The following LINGO2 variants were observed in gnomAD, a reference collection of about 807,000 sequenced individuals.
The protein encoded by LINGO2 is leucine rich repeat and Ig domain containing 2.
A neutral mutation model predicts 30.6 loss-of-function variants in LINGO2; 14 were observed. That is an observed-to-expected ratio of 0.46 (90% CI 0.30 to 0.72). LINGO2 has a LOEUF of 0.72. Among genes scored for constraint, LINGO2 ranks in the 30% least tolerant of loss-of-function variants. The probability of loss-of-function intolerance (pLI) is 0.07; values close to 1 mark genes in which losing one functional copy is unlikely to be tolerated. For missense variants in LINGO2, 729 were observed against 751.7 expected, an observed-to-expected ratio of 0.97 and a Z score of 0.35; for synonymous variants, 317 against 288.5, an observed-to-expected ratio of 1.10 and a Z score of -1.00.
chr9:28,072,208 GTCTT>G (rs1212321076), intron 4 of LINGO2, among the ~76,000 whole-genome samples: 1 of 152,188 alleles, frequency 6.6e-6, no homozygotes, highest in Non-Finnish European at 1.5e-5. Flanking sequence ...CACAGTTGAT[GTCTT>G]GCACACAACA....
the LINGO2 span, among the ~76,000 whole-genome samples, chr9:29,100,785 T>G: frequency 6.6e-6 from 1 of 152,174 alleles, no homozygotes; most frequent in Non-Finnish European, 1.5e-5. Flanking sequence ...AACCCTAATG[T>G]GATTATTATG....
chr9:29,117,524 C>A, the LINGO2 span, among the ~76,000 whole-genome samples: 2 of 152,110 alleles, frequency 1.3e-5, no homozygotes, highest in Admixed American at 6.6e-5. Flanking sequence ...GTTATCCCAC[C>A]TAGAGTCAAA....
the LINGO2 span, among the ~76,000 whole-genome samples, chr9:28,682,126 G>A: frequency 6.6e-6 from 1 of 152,102 alleles, no homozygotes; most frequent in Non-Finnish European, 1.5e-5. Context: ...GTGCTTTCCT[G>A]GAATTGCTGA....
chr9:28,233,933 T>C (rs1274564871), intron 4 of LINGO2, among the ~76,000 whole-genome samples: 1 of 152,142 alleles, frequency 6.6e-6, no homozygotes, highest in Non-Finnish European at 1.5e-5. Context: ...TAACCAGCAG[T>C]AATACCCAGG....
chr9:28,276,122 A>G (rs947731281), intron 4 of LINGO2, among the ~76,000 whole-genome samples: 11 of 152,180 alleles, frequency 7.2e-5, no homozygotes, highest in African/African-American at 2.4e-4. Context: ...GGATTTGACT[A>G]TCTAAGAATT....
At chr9:28,433,947 C>CTATATATATATATATATAAATATA (rs1417650474) in intron 2 of LINGO2, among the ~76,000 whole-genome samples, 1 of 61,038 alleles carries the variant, frequency 1.6e-5, no homozygotes, top group Admixed American at 1.9e-4. Flanking sequence ...CTCTCTCTCT[C>CTATATATATATATATATAAATATA]TCTATATATA....
chr9:27,955,296 T>C (rs966840259), intron 5 of LINGO2, among the ~76,000 whole-genome samples: 4 of 152,174 alleles, frequency 2.6e-5, no homozygotes, highest in South Asian at 2.1e-4. Flanking sequence ...GTAGTAAAGA[T>C]TGTGATCATT....
At chr9:28,146,469 C>G (rs888144829) in intron 4 of LINGO2, among the ~76,000 whole-genome samples, 2 of 151,924 alleles carry the variant, frequency 1.3e-5, no homozygotes, top group African/African-American at 4.8e-5. Context: ...AGAATTGCAG[C>G]TATAGAGGAA....
At chr9:28,303,967 G>A (rs2134220220) in intron 3 of LINGO2, among the ~76,000 whole-genome samples, 1 of 152,204 alleles carries the variant, frequency 6.6e-6, no homozygotes, top group South Asian at 2.1e-4. Flanking sequence ...CTGTGTATGT[G>A]TGTGTATGTG....
the LINGO2 span, among the ~76,000 whole-genome samples, chr9:28,759,083 C>T: frequency 6.6e-6 from 1 of 152,000 alleles, no homozygotes; most frequent in African/African-American, 2.4e-5. Context: ...TCCTTAGTTG[C>T]TGTCAGTGAC....
chr9:27,973,024 A>T (rs1820427004), intron 5 of LINGO2, among the ~76,000 whole-genome samples: 2 of 152,040 alleles, frequency 1.3e-5, no homozygotes, highest in African/African-American at 4.8e-5. Flanking sequence ...CTATTCTCTG[A>T]TATGGGAGCT....
At chr9:28,236,893 C>T (rs1436103295) in intron 4 of LINGO2, among the ~76,000 whole-genome samples, 3 of 151,996 alleles carry the variant, frequency 2.0e-5, no homozygotes, top group African/African-American at 4.8e-5. Context: ...AAGAGTATAA[C>T]TGGATTGTTT....
intron 2 of LINGO2, among the ~76,000 whole-genome samples, chr9:28,374,206 T>TATATA (rs1554713022): frequency 0.019 from 2,088 of 109,750 alleles, 26 homozygotes; most frequent in African/African-American, 0.043. Context: ...AAATATGTTT[T>TATATA]TATTTATATA....
chr9:28,952,364 A>G, the LINGO2 span, among the ~76,000 whole-genome samples: 1 of 152,132 alleles, frequency 6.6e-6, no homozygotes, highest in Non-Finnish European at 1.5e-5. Flanking sequence ...TTTTTCATCT[A>G]TAAATGGATC....
chr9:28,139,071 G>T (rs930144116), intron 4 of LINGO2, among the ~76,000 whole-genome samples: 1 of 152,202 alleles, frequency 6.6e-6, no homozygotes, highest in African/African-American at 2.4e-5. Context: ...TTTCAGGTTA[G>T]TTAAGTATCA....
chr9:29,200,418 T>TG, the LINGO2 span, among the ~76,000 whole-genome samples: 1 of 152,128 alleles, frequency 6.6e-6, no homozygotes, highest in Non-Finnish European at 1.5e-5. Context: ...TCTTTTTCAG[T>TG]GATACAGAAA....
chr9:28,181,331 G>A (rs1306296601), intron 4 of LINGO2, among the ~76,000 whole-genome samples: 1 of 152,176 alleles, frequency 6.6e-6, no homozygotes, highest in Non-Finnish European at 1.5e-5. Context: ...AATGTTTGGA[G>A]GATTAACCAA....
In LINGO2 at chr9:28,050,172, C is replaced by T. The variant is rs1180405615; in HGVS notation, c.-86-37767G>A. Among the ~76,000 whole-genome samples, 5 of 150,476 alleles carry T rather than the reference C, an allele frequency of 3.3e-5. No homozygotes were observed. In the Middle Eastern group the frequency reaches 0.01, roughly 309 times the overall value. On this transcript the variant is annotated intron_variant, in intron 4 of 5. Transcript: ENST00000379992. ...GTGGCTGAGTGAAGCAACTAAAATTCTGAATAAAAAGGAGGAACAAATTGA... is the reference window on the plus strand; with the variant it reads ...GTGGCTGAGTGAAGCAACTAAAATTTTGAATAAAAAGGAGGAACAAATTGA...
the LINGO2 span, among the ~76,000 whole-genome samples, chr9:29,124,883 C>T: frequency 6.6e-6 from 1 of 152,082 alleles, no homozygotes; most frequent in African/African-American, 2.4e-5. Flanking sequence ...ACCAGAGATA[C>T]CATTTGACCC....
Sources: gnomAD v4.1 joint callset for allele counts (sites outside exome capture counted in the v4.1 genomes callset) on GRCh38, gnomAD v4.1.1 for gene constraint, MANE v1.5 for transcripts, NCBI Gene and HGNC (gene_info 2026-07-23, HGNC 2026-07-21) for gene names.